ANK3: variants seen among roughly 807,000 people sequenced by gnomAD.
ANK3 encodes the protein ankyrin 3.
A neutral mutation model predicts 370.9 loss-of-function variants in ANK3; 57 were observed. The observed-to-expected ratio is 0.15, with a 90% CI of 0.12 to 0.19. The LOEUF is 0.19. ANK3 is among the 10% of genes least tolerant of loss of function. The probability of loss-of-function intolerance (pLI) is 1.00; values close to 1 mark genes in which losing one functional copy is unlikely to be tolerated. For missense variants in ANK3, 4,439 were observed against 5,302.1 expected, an observed-to-expected ratio of 0.84 and a Z score of 5.06; for synonymous variants, 1,929 against 1,946.3, an observed-to-expected ratio of 0.99 and a Z score of 0.23.
At chr10:60,288,156 G>A (rs902823489) in intron 1 of ANK3, among the ~76,000 whole-genome samples, 3 of 151,924 alleles carry the variant, frequency 2.0e-5, no homozygotes, top group Non-Finnish European at 2.9e-5. Context: ...AGTAATGCCC[G>A]GCTAGTAATG....
At chr10:60,177,011 T>C (rs1368082509) in intron 18 of ANK3, among the ~76,000 whole-genome samples, 1 of 152,128 alleles carries the variant, frequency 6.6e-6, no homozygotes, top group African/African-American at 2.4e-5. Flanking sequence ...CCTCCCTACA[T>C]TTCACCATCT....
chr10:60,418,123 T>C lies in ANK3; in HGVS notation c.97-138484A>G, dbSNP rs114031317. On this transcript the variant is annotated intron_variant, in intron 2 of 43. Transcript: ENST00000373827. ...GACTCATCATTCCTGAGATGGACTA[T>C]TGCAGCAGCCTGCAAGCTGTCTTAC... Among the ~76,000 whole-genome samples the C allele has an allele frequency of 4.9e-3, 751 of 152,300 alleles. 3 individuals carry two copies. The highest frequency in any genetic ancestry group is 0.018 in the African/African-American group (729 of 41,564).
intron 1 of ANK3, among the ~76,000 whole-genome samples, chr10:60,346,672 C>T (rs2055582206): frequency 6.6e-6 from 1 of 152,070 alleles, no homozygotes; most frequent in South Asian, 2.1e-4. Flanking sequence ...CATGTACATA[C>T]ATAACCAACT....
intron 2 of ANK3, among the ~76,000 whole-genome samples, chr10:60,400,606 C>A (rs896457544): frequency 6.6e-6 from 1 of 152,038 alleles, no homozygotes; most frequent in Non-Finnish European, 1.5e-5. Flanking sequence ...TTTATAAAAG[C>A]AGGTGCAGTC....
intron 1 of ANK3, among the ~76,000 whole-genome samples, chr10:60,374,997 CAAAA>C (rs983742774): frequency 5.7e-4 from 86 of 151,714 alleles, no homozygotes; most frequent in African/African-American, 2.0e-3. Context: ...GGAAGAGAAA[CAAAA>C]GAAAGAGAAG....
At chr10:60,177,656 G>T (rs1440468890) in intron 18 of ANK3, among the ~76,000 whole-genome samples, 2 of 140,498 alleles carry the variant, frequency 1.4e-5, no homozygotes, top group African/African-American at 5.3e-5. Context: ...GGAGTGCAGT[G>T]GTGCGACCTC....
intron 23 of ANK3, among the ~76,000 whole-genome samples, chr10:60,143,981 G>T (rs186528169): frequency 2.6e-5 from 4 of 152,270 alleles, no homozygotes; most frequent in African/African-American, 9.6e-5. Context: ...GAGAGAGAGA[G>T]AGAGAAAGAG....
At chr10:60,105,662 G>C (rs2092063838) in intron 28 of ANK3, among the ~76,000 whole-genome samples, 1 of 152,140 alleles carries the variant, frequency 6.6e-6, no homozygotes, top group Admixed American at 6.5e-5. Context: ...TGGAAAGATT[G>C]ATGTATGTGA....
chr10:60,672,583 C>T (rs1044451455), intron 1 of ANK3, among the ~76,000 whole-genome samples: 1 of 152,210 alleles, frequency 6.6e-6, no homozygotes, highest in Non-Finnish European at 1.5e-5. Flanking sequence ...CAGGACCCTT[C>T]CAGACCTCAC....
rs1196355281 is a variant in ANK3 at position 60,072,711 on chromosome 10, G to T, written c.8170C>A (p.Gln2724Lys). ...KLSSIRLKFE[Q>K]GTHAKSKDMS... The stretch of plus-strand genomic sequence containing the variant: ...TCCTTACTTTTTGCGTGTGTGCCTT[G>T]TTCAAATTTTAATCTAATGGAACTG... Residue 2724 changes from glutamine to lysine, a missense_variant, in exon 37 of 44, where the codon CAA becomes AAA. This residue lies in a region of ANK3 where 1,601 missense variants were observed against 1,731.7 expected (regional missense o/e 0.92). Coordinates refer to ENST00000280772, the MANE Select transcript of ANK3 (RefSeq NM_020987.5). The T allele has an allele frequency of 6.2e-7, 1 of 1,613,974 alleles. No homozygotes were observed. The highest frequency in any genetic ancestry group is 1.7e-5 in the Admixed American group (1 of 59,998).
At chr10:60,433,299 A>G (rs1169762668) in intron 2 of ANK3, among the ~76,000 whole-genome samples, 1 of 152,100 alleles carries the variant, frequency 6.6e-6, no homozygotes, top group Non-Finnish European at 1.5e-5. Flanking sequence ...GGATAATTTC[A>G]CTTGGTAAGA....
intron 1 of ANK3, among the ~76,000 whole-genome samples, chr10:60,327,935 G>T (rs899714958): frequency 1.3e-5 from 2 of 151,964 alleles, no homozygotes; most frequent in Admixed American, 1.3e-4. Flanking sequence ...TTTTTAGAAA[G>T]GTGTGTGTGT....
chr10:60,729,758 C>A (rs1388768588), intron 1 of ANK3, among the ~76,000 whole-genome samples: 2 of 152,200 alleles, frequency 1.3e-5, no homozygotes, highest in Admixed American at 6.5e-5. Context: ...CTACTCAGAA[C>A]TGAAAACACA....
intron 7 of ANK3, among the ~76,000 whole-genome samples, chr10:60,236,554 G>C (rs992242766): frequency 4.6e-5 from 7 of 152,052 alleles, no homozygotes; most frequent in Non-Finnish European, 8.8e-5. Flanking sequence ...AGTCCTCATG[G>C]GGAGTTGTTT....
At chr10:60,524,462 C>G (rs7072229) in intron 2 of ANK3, among the ~76,000 whole-genome samples, 107,385 of 151,820 alleles carry the variant, frequency 0.71, 38,114 homozygotes, top group South Asian at 0.88. Context: ...TTCCCATGCT[C>G]TTCTAGTGAT....
At chr10:60,512,115 T>G (rs1180343230) in intron 2 of ANK3, among the ~76,000 whole-genome samples, 1 of 151,790 alleles carries the variant, frequency 6.6e-6, no homozygotes, top group Admixed American at 6.6e-5. Flanking sequence ...TAAAAAAAAG[T>G]ACAAGGTGCA....
chr10:60,051,474 C>A (rs2077976972), intron 42 of ANK3: 2 of 984,946 alleles, frequency 2.0e-6, no homozygotes, highest in African/African-American at 3.5e-5. Context: ...CTACAGGATA[C>A]CTTTATAATC....
chr10:60,204,870 G>A (rs1030535580), intron 11 of ANK3, among the ~76,000 whole-genome samples: 3 of 152,142 alleles, frequency 2.0e-5, no homozygotes, highest in Admixed American at 6.5e-5. Context: ...GGGAGTGAGC[G>A]GGGGTTTCCT....
At chr10:60,689,265 G>A (rs2079314398) in intron 1 of ANK3, among the ~76,000 whole-genome samples, 1 of 152,156 alleles carries the variant, frequency 6.6e-6, no homozygotes, top group African/African-American at 2.4e-5. Context: ...CAGATGTGGT[G>A]CCACGTGCCT....
Sources: gnomAD v4.1 joint callset for allele counts (sites outside exome capture counted in the v4.1 genomes callset) on GRCh38, gnomAD v4.1.1 for gene constraint, gnomAD v4.1.1 regional missense constraint, MANE v1.5 for transcripts, NCBI Gene and HGNC (gene_info 2026-07-23, HGNC 2026-07-21) for gene names.